The following CYP2S1 variants were observed in gnomAD, a reference collection of about 807,000 sequenced individuals.
CYP2S1 encodes cytochrome P450 2S1.
In CYP2S1, 32 loss-of-function variants were observed where a neutral mutation model predicts 43.5. The observed-to-expected ratio is 0.74, with a 90% CI of 0.56 to 0.99. The LOEUF (loss-of-function observed/expected upper bound fraction) is 0.99. Ranked by LOEUF, CYP2S1 falls within the 50% of genes least tolerant of loss-of-function variation. CYP2S1 has a pLI of 0.00. For synonymous variants in CYP2S1, 283 were observed against 302.9 expected (o/e 0.93, Z 0.68); for missense variants, 575 against 673.9 (o/e 0.85, Z 1.62).
At chr19:41,193,724 C>G in intron 1 of CYP2S1, 1 of 432,240 alleles carries the variant, frequency 2.3e-6, no homozygotes, top group South Asian at 1.1e-4. Context: ...GGGCAGGGAC[C>G]GAGGCTGAAA....
chr19:41,196,804 T>G (rs1056982170), intron 2 of CYP2S1, among the ~76,000 whole-genome samples: 1 of 152,074 alleles, frequency 6.6e-6, no homozygotes, highest in African/African-American at 2.4e-5. Flanking sequence ...GTTCAACCTC[T>G]AAACTACATG....
At chr19:41,197,686 C>T (rs1370295425) in intron 2 of CYP2S1, 93 bp from the exon 3 acceptor site, 10 of 1,550,370 alleles carry the variant, frequency 6.5e-6, no homozygotes, top group South Asian at 4.7e-5. Context: ...GGCAACAGAG[C>T]GAGATTCCGT....
At chr19:41,203,660 C>T (rs1028175049) in intron 7 of CYP2S1, 23 bp downstream of exon 7, 42 of 1,500,888 alleles carry the variant, frequency 2.8e-5, no homozygotes, top group Admixed American at 1.3e-4. Flanking sequence ...ATGGCTGCCA[C>T]CCATGGTTCT....
At chr19:41,201,985 A>AT (rs1040240107) in intron 6 of CYP2S1, among the ~76,000 whole-genome samples, 1 of 151,294 alleles carries the variant, frequency 6.6e-6, no homozygotes, top group Admixed American at 6.6e-5. Context: ...TTTTATTTTT[A>AT]TTTTTTTTAC....
At chr19:41,203,107 G>A (rs1219578507) in intron 6 of CYP2S1, among the ~76,000 whole-genome samples, 1 of 151,810 alleles carries the variant, frequency 6.6e-6, no homozygotes, top group Non-Finnish European at 1.5e-5. Context: ...AGCTACTCAG[G>A]AGGCTGAGGC....
intron 7 of CYP2S1, among the ~76,000 whole-genome samples, chr19:41,205,352 T>TCTC (rs2033552903): frequency 1.0e-5 from 1 of 98,998 alleles, no homozygotes; most frequent in African/African-American, 7.9e-5. Context: ...TTTTCTTTCT[T>TCTC]TCTTTCTTTC....
At chr19:41,204,939 C>A (rs1453780338) in intron 7 of CYP2S1, among the ~76,000 whole-genome samples, 1 of 151,830 alleles carries the variant, frequency 6.6e-6, no homozygotes, top group Non-Finnish European at 1.5e-5. Context: ...CAAATCACTT[C>A]CCCCCCTGAA....
chr19:41,194,300 A>G (rs1428417005), intron 1 of CYP2S1, among the ~76,000 whole-genome samples: 2 of 152,130 alleles, frequency 1.3e-5, no homozygotes, highest in Non-Finnish European at 2.9e-5. Flanking sequence ...AGGGTTCAGC[A>G]GGAAGCAAGG....
rs199534151 is a variant in CYP2S1 at position 41,198,862 on chromosome 19, G to A, written c.808G>A (p.Asp270Asn). The stretch of plus-strand genomic sequence containing the variant: ...TTCGGGCCCCGCACGTGACCTTGTC[G>A]ATGCCTTCCTGCTGAAGATGGCACA... ...DASGPARDLV[D>N]AFLLKMAQEE... Residue 270 changes from aspartate (D) to asparagine (N), a missense_variant, in exon 5 of 9, where the codon GAT (aspartate) becomes AAT (asparagine). Physicochemically the swap from Asp to Asn is conservative, Grantham distance 23. This residue lies in a region of CYP2S1 where 353 missense variants were observed against 367.6 expected (regional missense o/e 0.96). Coordinates refer to ENST00000310054, the MANE Select transcript of CYP2S1 (RefSeq NM_030622.8). This position sits in a 1 kb window ranked among gnomAD's most constrained non-coding sequence, Gnocchi z 4.9. The A allele has an allele frequency of 9.9e-6, 16 of 1,613,560 alleles. No individual in the cohort carries two copies. Among genetic ancestry groups the A allele is most frequent in the Middle Eastern group, 1.6e-4 (1 of 6,062 alleles).
chr19:41,203,458 C>T lies in CYP2S1; in HGVS notation c.985C>T (p.Arg329Cys), dbSNP rs377067300. ...MKYPHVQKWV[R>C]EELNRELGAG... Reference sequence around the variant, plus strand: ...CCTCCTCTTGCTTGCAGAGTGGGTACGTGAGGAGCTGAATCGGGAGCTGGG... The same window carrying T: ...CCTCCTCTTGCTTGCAGAGTGGGTATGTGAGGAGCTGAATCGGGAGCTGGG... Residue 329 changes from arginine (R) to cysteine (C), a missense_variant, in exon 7 of 9, where the codon CGT becomes TGT. This residue lies in a region of CYP2S1 where 222 missense variants were observed against 306.3 expected (regional missense o/e 0.72). Transcript: ENST00000310054. 8 of 1,606,178 alleles carry T rather than the reference C, an allele frequency of 5.0e-6. No individual in the cohort carries two copies. The highest frequency in any genetic ancestry group is 1.7e-4 in the Middle Eastern group (1 of 5,904).
chr19:41,205,853 T>C (rs2033568600), intron 7 of CYP2S1, 105 bp from the exon 8 acceptor site: 3 of 1,432,868 alleles, frequency 2.1e-6, no homozygotes, highest in African/African-American at 2.8e-5. Flanking sequence ...GCCATTAGGT[T>C]TTGTGAACTA....
At chr19:41,194,775 C>G (rs2033390619) in intron 2 of CYP2S1, 66 bp downstream of exon 2, 1 of 1,558,166 alleles carries the variant, frequency 6.4e-7, no homozygotes, top group African/African-American at 1.4e-5. Context: ...GTGACCTTTG[C>G]ACATGGCTTA....
At chr19:41,205,262 C>T (rs1200837594) in intron 7 of CYP2S1, among the ~76,000 whole-genome samples, 1 of 152,150 alleles carries the variant, frequency 6.6e-6, no homozygotes, top group Admixed American at 6.6e-5. Flanking sequence ...CAAGGTCCCC[C>T]AGCCTGCAAA....
At chr19:41,204,448 T>G (rs1599715989) in intron 7 of CYP2S1, among the ~76,000 whole-genome samples, 1 of 152,156 alleles carries the variant, frequency 6.6e-6, no homozygotes, top group African/African-American at 2.4e-5. Flanking sequence ...GCAGCTCCGA[T>G]GCAGAACCAA....
chr19:41,199,970 CAA>C (rs111678293), intron 5 of CYP2S1, among the ~76,000 whole-genome samples: 6 of 89,046 alleles, frequency 6.7e-5, no homozygotes, highest in Non-Finnish European at 6.9e-5. Flanking sequence ...AATTCCATCT[CAA>C]AAAAAAAAAA....
intron 7 of CYP2S1, among the ~76,000 whole-genome samples, chr19:41,205,723 T>C (rs566642017): frequency 6.6e-6 from 1 of 152,118 alleles, no homozygotes; most frequent in Admixed American, 6.6e-5. Context: ...GGTCTTGTTA[T>C]ATTGCCCAGG....
chr19:41,197,463 G>C (rs1389902793), intron 2 of CYP2S1, among the ~76,000 whole-genome samples: 1 of 152,140 alleles, frequency 6.6e-6, no homozygotes, highest in Non-Finnish European at 1.5e-5. Context: ...CACTTTGGGA[G>C]GCTGAGGTGG....
chr19:41,193,552 G>C, intron 1 of CYP2S1, 111 bp downstream of exon 1: 1 of 1,364,632 alleles, frequency 7.3e-7, no homozygotes, highest in Non-Finnish European at 9.4e-7. Flanking sequence ...GCAGGGGCAG[G>C]GGTCCCAAGG....
In CYP2S1 at chr19:41,201,352, T is replaced by A; in HGVS notation, c.956T>A (p.Met319Lys). Reference protein sequence around the residue: ...TTVGYTLLLLMKYPHVQKWVR... With the variant: ...TTVGYTLLLLKKYPHVQKWVR... ...GTCGGCTATACCCTCCTGCTCCTGA[T>A]GAAATACCCTCATGTCCAAAGTAAG... The change falls in exon 6 of 9, where the codon ATG becomes AAG. Residue 319 changes from methionine to lysine, a missense_variant. By Grantham distance (95) the Met-to-Lys change is moderately conservative (BLOSUM62 -1). This residue lies in a region of CYP2S1 where 222 missense variants were observed against 306.3 expected (regional missense o/e 0.72). Coordinates refer to ENST00000310054, the MANE Select transcript of CYP2S1 (RefSeq NM_030622.8). The A allele has an allele frequency of 6.2e-7, 1 of 1,614,010 alleles. No homozygotes were observed. The highest frequency in any genetic ancestry group is 8.5e-7 in the Non-Finnish European group (1 of 1,179,970).
Sources: allele counts gnomAD v4.1 joint callset (sites outside exome capture counted in the v4.1 genomes callset), GRCh38; gene constraint gnomAD v4.1.1; regional missense constraint gnomAD v4.1.1; non-coding constraint Gnocchi (gnomAD v3.1); transcripts MANE v1.5; gene names NCBI Gene and HGNC (gene_info 2026-07-23, HGNC 2026-07-21).